GIPR: variants seen among roughly 807,000 people sequenced by gnomAD.
GIPR encodes gastric inhibitory polypeptide receptor.
Under a neutral mutation model 62.2 loss-of-function variants are expected in GIPR, and 74 were observed. The observed-to-expected ratio is 1.19, with a 90% CI of 0.99 to 1.44. The LOEUF is 1.44. Ranked by LOEUF, GIPR falls within the 40% of genes most tolerant of loss-of-function variation. GIPR has a pLI of 0.00. For missense variants in GIPR, 664 were observed against 611.8 expected, an observed-to-expected ratio of 1.09 and a Z score of -0.90; for synonymous variants, 256 against 262.2, an observed-to-expected ratio of 0.98 and a Z score of 0.23.
At chr19:45,677,546 G>A in intron 9 of GIPR, 163 bp downstream of exon 9, 1 of 841,146 alleles carries the variant, frequency 1.2e-6, no homozygotes, top group Non-Finnish European at 2.0e-6. Context: ...TGTGTTCCAG[G>A]GCAATCGGCA....
rs2146097451 is a variant in GIPR, at chr19:45,678,072, CG to C, written c.1014-15del. The C allele has an allele frequency of 6.2e-7, 1 of 1,611,978 alleles. No homozygotes were observed. Among genetic ancestry groups the C allele is most frequent in the Admixed American group, 1.7e-5 (1 of 59,980 alleles). ...ACCAGGGCTGCGGGATCACTGCTGC[CG>C]CCCTCTCTCCCCAGGCTGGCTCGCT... On this transcript the variant is annotated splice_polypyrimidine_tract_variant and intron_variant, in intron 11 of 13. Transcript: ENST00000590918.
intron 5 of GIPR, 58 bp from the exon 6 acceptor site, chr19:45,674,016 C>T (rs1330753205): frequency 7.2e-6 from 7 of 974,732 alleles, no homozygotes; most frequent in South Asian, 1.3e-5. Flanking sequence ...TCCAGTCTCT[C>T]TCTGGGCCTG....
chr19:45,674,605 T>TA (rs542971910), intron 6 of GIPR, 77 bp from the exon 7 acceptor site: 28,751 of 1,079,646 alleles, frequency 0.027, 1 homozygote, highest in Non-Finnish European at 0.031. Context: ...AGACCCTGTT[T>TA]AAAAAAAAAA....
Position 45,673,559 on chromosome 19 carries a change from A to G in GIPR, c.385-515A>G, listed in dbSNP as rs535055881. Among the ~76,000 whole-genome samples the G allele has an allele frequency of 9.8e-4, 148 of 151,722 alleles. 2 individuals carry two copies. Among genetic ancestry groups the G allele is most frequent in the Non-Finnish European group, 1.8e-3 (120 of 67,906 alleles). On this transcript the variant is annotated intron_variant, in intron 5 of 13. Coordinates refer to ENST00000590918, the MANE Select transcript of GIPR (RefSeq NM_000164.4). Reference sequence around the variant, plus strand: ...AGCCTGGGTAACATAGTGAAACTCCATCTCTACAAAAAATATAAAAATTTG... The same window carrying G: ...AGCCTGGGTAACATAGTGAAACTCCGTCTCTACAAAAAATATAAAAATTTG...
intron 7 of GIPR, among the ~76,000 whole-genome samples, chr19:45,675,991 G>T (rs1174936271): frequency 2.0e-5 from 3 of 151,982 alleles, no homozygotes; most frequent in Non-Finnish European, 2.9e-5. Flanking sequence ...AGGACACAAG[G>T]TCAGGAGTTC....
Position 45,674,726 on chromosome 19 carries a change from C to T in GIPR, c.533C>T (p.Thr178Met), listed in dbSNP as rs145986000. ...AACTATATCCACATCAACCTGTTCA[C>T]GTCTTTCATGCTGCGAGCTGCGGCC... Reference protein sequence around the residue: ...TRNYIHINLFTSFMLRAAAIL... With the variant: ...TRNYIHINLFMSFMLRAAAIL... The change falls in exon 7 of 14, where the codon ACG becomes ATG. Residue 178 changes from threonine (T) to methionine (M), a missense_variant. Physicochemically the swap from Thr to Met is moderately conservative, Grantham distance 81. Coordinates refer to ENST00000590918, the MANE Select transcript of GIPR (RefSeq NM_000164.4). 1.1e-5 allele frequency: 17 copies of T among 1,613,882 alleles called. No individual in the cohort carries two copies. Among genetic ancestry groups the T allele is most frequent in the Middle Eastern group, 3.3e-4 (2 of 6,084 alleles).
chr19:45,669,483 T>C lies in GIPR; in HGVS notation c.-38T>C. On this transcript the variant is annotated 5_prime_UTR_variant, in exon 2 of 14. Transcript: ENST00000590918. The stretch of plus-strand genomic sequence containing the variant: ...TTGCCCTGGGACCCTCCAGGCCTGA[T>C]CGCCCCTGCACGAACCAGACCCTTC... 6.4e-7 allele frequency: 1 copy of C among 1,553,480 alleles called. No homozygotes were observed. The highest frequency in any genetic ancestry group is 8.7e-7 in the Non-Finnish European group (1 of 1,152,376).
At position 45,669,498 on chromosome 19, in the gene GIPR, C is replaced by T; in HGVS notation, c.-23C>T. On this transcript the variant is annotated 5_prime_UTR_variant, in exon 2 of 14. Transcript: ENST00000590918. ...CCAGGCCTGATCGCCCCTGCACGAA[C>T]CAGACCCTTCGCCGCCCTCACGATG... 2.6e-6 allele frequency: 4 copies of T among 1,564,430 alleles called. No individual in the cohort carries two copies. The highest frequency in any genetic ancestry group is 2.3e-5 in the East Asian group (1 of 42,950).
chr19:45,677,416 G>A lies in GIPR; in HGVS notation c.854+33G>A, dbSNP rs370064021. 4.0e-5 allele frequency: 55 copies of A among 1,367,384 alleles called. No homozygotes were observed. The African/African-American group carries it at 7.0e-4, about 17-fold the overall frequency. The allele number at this position is 1,367,384 out of a possible 1,614,324, so 84.7% of individuals were successfully genotyped here. A position where few individuals can be genotyped will look rare whatever the true frequency, so the allele number is the denominator to read the frequency against. Reference sequence around the variant, plus strand: ...GCAGGGTCTGGGGCGGGGCGTGGGAGGTGGGCGGGGCTTTGAGGGACTGTG... The same window carrying A: ...GCAGGGTCTGGGGCGGGGCGTGGGAAGTGGGCGGGGCTTTGAGGGACTGTG... On this transcript the variant is annotated intron_variant, in intron 9 of 13. Coordinates refer to ENST00000590918, the MANE Select transcript of GIPR (RefSeq NM_000164.4).
rs1405568033 is a variant in GIPR, at chr19:45,677,968, A to G, written c.987A>G (p.Gln329=). The change falls in exon 11 of 14, where the codon CAA becomes CAG. Residue 329 remains glutamine, a synonymous_variant. Transcript: ENST00000590918. ...GILLSKLRTR[Q]MRCRDYRLRL... Reference sequence around the variant, plus strand: ...TCCTGTCCAAGCTGAGGACACGGCAAATGCGCTGCCGGGATTACCGGCTGA... The same window carrying G: ...TCCTGTCCAAGCTGAGGACACGGCAGATGCGCTGCCGGGATTACCGGCTGA... 1 of 1,613,942 alleles carries G rather than the reference A, an allele frequency of 6.2e-7. No individual in the cohort carries two copies. The highest frequency in any genetic ancestry group is 2.2e-5 in the East Asian group (1 of 44,874).
chr19:45,678,170 CG>C lies in GIPR; in HGVS notation c.1100del (p.Gly367AlafsTer132). The stretch of plus-strand genomic sequence containing the variant: ...TGCTCCCGTGACAGAGGAACAGGCC[CG>C]GGGCGCCCTGCGCTTCGCCAAGCTC... ...VFAPVTEEQA[R>X]GALRFAKLGF... On this transcript the variant is annotated frameshift_variant, in exon 12 of 14. Transcript: ENST00000590918. LOFTEE classifies it high-confidence loss of function. 6.2e-7 allele frequency: 1 copy of C among 1,603,628 alleles called. No individual in the cohort carries two copies. Among genetic ancestry groups the C allele is most frequent in the Non-Finnish European group, 8.5e-7 (1 of 1,175,938 alleles).
intron 12 of GIPR, among the ~76,000 whole-genome samples, chr19:45,679,614 T>A (rs1967126414): frequency 6.6e-6 from 1 of 152,030 alleles, no homozygotes; most frequent in South Asian, 2.1e-4. Flanking sequence ...TTATTTTTAT[T>A]TTTTTAGAGA....
At chr19:45,670,759 CG>C in intron 3 of GIPR, 25 bp downstream of exon 3, 1 of 943,062 alleles carries the variant, frequency 1.1e-6, no homozygotes. Flanking sequence ...GCTGGGGACG[CG>C]GGGAGGACCT....
At chr19:45,669,353 C>T in intron 1 of GIPR, 124 bp from the exon 2 acceptor site, 1 of 930,670 alleles carries the variant, frequency 1.1e-6, no homozygotes, top group Non-Finnish European at 1.6e-6. Flanking sequence ...GGTGCGCTGC[C>T]TCGGAGTCCC....
In GIPR at chr19:45,671,379, C is replaced by G; in HGVS notation, c.267C>G (p.Pro89=). 1.9e-6 allele frequency: 3 copies of G among 1,605,752 alleles called. No homozygotes were observed. The highest frequency in any genetic ancestry group is 2.6e-6 in the Non-Finnish European group (3 of 1,174,986). Residue 89 remains proline, a synonymous_variant, in exon 4 of 14, where the codon CCC becomes CCG. Transcript: ENST00000590918. Reference sequence around the variant, plus strand: ...GTGCGTCCTGCCCCTGGTACCTGCCCTGGCACCACCATGGTGAGGTGCTCC... The same window carrying G: ...GTGCGTCCTGCCCCTGGTACCTGCCGTGGCACCACCATGGTGAGGTGCTCC... ...TARASCPWYL[P]WHHHVAAGFV... is the part of the protein sequence containing the mutation.
chr19:45,672,681 T>C lies in GIPR; in HGVS notation c.281-170T>C, dbSNP rs183451721. On this transcript the variant is annotated intron_variant, in intron 4 of 13. Transcript: ENST00000590918. The stretch of plus-strand genomic sequence containing the variant: ...TACTAATTCCATGGGCTAGTATGAA[T>C]ATTAAATTAATACAAATAACATGCC... 48 of 639,256 alleles carry C rather than the reference T, an allele frequency of 7.5e-5. No individual in the cohort carries two copies. In the East Asian group the frequency reaches 1.3e-3, roughly 18 times the overall value. 39.6% of individuals were successfully genotyped at this position (639,256 alleles called of 1,614,324 possible). A position where few individuals can be genotyped will look rare whatever the true frequency, so the allele number is the denominator to read the frequency against.
intron 10 of GIPR, 39 bp downstream of exon 10, chr19:45,677,818 A>ATT (rs772910056): frequency 1.3e-5 from 21 of 1,604,920 alleles, no homozygotes; most frequent in Admixed American, 1.0e-4. Context: ...GCCCTCAGGG[A>ATT]TTTCCCATTC....
Position 45,669,499 on chromosome 19 carries a change from C to A in GIPR, c.-22C>A. On this transcript the variant is annotated 5_prime_UTR_variant, in exon 2 of 14. Coordinates refer to ENST00000590918, the MANE Select transcript of GIPR (RefSeq NM_000164.4). ...CAGGCCTGATCGCCCCTGCACGAAC[C>A]AGACCCTTCGCCGCCCTCACGATGA... 1 of 1,564,922 alleles carries A rather than the reference C, an allele frequency of 6.4e-7. No homozygotes were observed. Among genetic ancestry groups the A allele is most frequent in the South Asian group, 1.2e-5 (1 of 85,396 alleles).
chr19:45,677,646 A>C, intron 9 of GIPR, 64 bp from the exon 10 acceptor site: 2 of 1,315,482 alleles, frequency 1.5e-6, no homozygotes, highest in Non-Finnish European at 2.2e-6. Context: ...TAGCGAGCAA[A>C]TGAGCTTGGT....
Sources: gnomAD v4.1 joint callset for allele counts (sites outside exome capture counted in the v4.1 genomes callset) on GRCh38, gnomAD v4.1.1 for gene constraint, MANE v1.5 for transcripts, NCBI Gene and HGNC (gene_info 2026-07-23, HGNC 2026-07-21) for gene names.